HEATR5B: variants seen among roughly 807,000 people sequenced by gnomAD.
HEATR5B encodes the protein HEAT repeat-containing protein 5B.
HEATR5B carries 156 observed loss-of-function variants against 224.1 expected under a neutral mutation model. The ratio of observed to expected loss-of-function variants is 0.70; its 90% confidence interval spans 0.61 to 0.80. HEATR5B has a LOEUF of 0.80. HEATR5B is among the 30% of genes least tolerant of loss of function. The pLI, the probability that HEATR5B is intolerant of heterozygous loss-of-function variation, is 0.00. For synonymous variants in HEATR5B, 1,027 were observed against 893.0 expected, an observed-to-expected ratio of 1.15 and a Z score of -2.68; for missense variants, 2,323 against 2,535.5, an observed-to-expected ratio of 0.92 and a Z score of 1.80.
Position 37,037,145 on chromosome 2 carries a change from G to GAGATAGATATATATATATATATATATAT in HEATR5B, c.3216+709_3216+710insATATATATATATATATATATATCTATCT. 4.2e-3 allele frequency among the ~76,000 whole-genome samples: 376 copies of GAGATAGATATATATATATATATATATAT among 89,168 alleles called. 28 individuals carry two copies. The highest frequency in any genetic ancestry group is 0.014 in the African/African-American group (362 of 26,404). The allele number at this position is 89,168 out of a possible 152,430, so 58.5% of individuals were successfully genotyped here. A position where few individuals can be genotyped will look rare whatever the true frequency, so the allele number is the denominator to read the frequency against. On this transcript the variant is annotated intron_variant, in intron 21 of 35. Transcript: ENST00000233099. The stretch of plus-strand genomic sequence containing the variant: ...TTCCGAGTAGGAAAACTAAAAATGT[G>GAGATAGATATATATATATATATATATAT]ATATATATATATATTTTGGAGATGG...
chr2:37,063,956 C>A (rs1289244550), intron 10 of HEATR5B, among the ~76,000 whole-genome samples: 1 of 152,104 alleles, frequency 6.6e-6, no homozygotes, highest in Non-Finnish European at 1.5e-5. Flanking sequence ...GGATTACAGG[C>A]ATGGGCCACA....
chr2:37,032,795 G>A (rs755318443), intron 21 of HEATR5B, 22 bp from the exon 22 acceptor site: 20 of 1,603,682 alleles, frequency 1.2e-5, no homozygotes, highest in Non-Finnish European at 1.7e-5. Flanking sequence ...AACAATGTTA[G>A]GCGATTTCTC....
intron 26 of HEATR5B, among the ~76,000 whole-genome samples, chr2:37,016,113 C>CTTT (rs370375953): frequency 4.5e-5 from 6 of 132,024 alleles, no homozygotes; most frequent in South Asian, 2.4e-4. Flanking sequence ...TCCTTACTTT[C>CTTT]TTTTTTTTTT....
At chr2:37,075,317 C>A (rs1672158457) in intron 5 of HEATR5B, among the ~76,000 whole-genome samples, 168 bp downstream of exon 5, 1 of 152,078 alleles carries the variant, frequency 6.6e-6, no homozygotes, top group Non-Finnish European at 1.5e-5. Context: ...AATACACATA[C>A]ACAAAAGTAC....
At position 37,003,544 on chromosome 2, in the gene HEATR5B, A is replaced by G; in HGVS notation, c.5048T>C (p.Leu1683Pro). ...TTAGTGTAATTTCTAGTGCTTACTT[A>G]GAGTGTTTCTTTTCTCTTGCAAATA... Reference protein sequence around the residue: ...QDYLQEKRNTLNEDDMEKEAC... With the variant: ...QDYLQEKRNTPNEDDMEKEAC... Residue 1683 changes from leucine to proline, a missense_variant and splice_region_variant, in exon 31 of 36, where the codon CTA becomes CCA. Around this residue, in one of 12 missense-constraint regions of HEATR5B, gnomAD observed 844 missense variants for 812.9 expected, o/e 1.04. Transcript: ENST00000233099. 6.3e-7 allele frequency: 1 copy of G among 1,597,890 alleles called. No individual in the cohort carries two copies. The highest frequency in any genetic ancestry group is 1.1e-5 in the South Asian group (1 of 88,298).
rs1415135441 is a variant in HEATR5B at position 37,000,735 on chromosome 2, T to A, written c.5396A>T (p.Asn1799Ile). Residue 1799 changes from asparagine to isoleucine, a missense_variant, in exon 33 of 36, where the codon AAT becomes ATT. Asn to Ile is a moderately radical substitution (Grantham distance 149). Coordinates refer to ENST00000233099, the MANE Select transcript of HEATR5B (RefSeq NM_019024.3). Reference protein sequence around the residue: ...LKDTAIKSADNQVPPPVSAAL... With the variant: ...LKDTAIKSADIQVPPPVSAAL... ...TGCACTGACTGGTGGAGGAACCTGATTATCTGCAGACTTTATTGCTGTGTC... is the reference window on the plus strand; with the variant it reads ...TGCACTGACTGGTGGAGGAACCTGAATATCTGCAGACTTTATTGCTGTGTC... 1.2e-6 allele frequency: 2 copies of A among 1,614,050 alleles called. No homozygotes were observed. Among genetic ancestry groups the A allele is most frequent in the Non-Finnish European group, 1.7e-6 (2 of 1,179,996 alleles).
intron 6 of HEATR5B, among the ~76,000 whole-genome samples, chr2:37,071,216 T>C (rs1265781895): frequency 6.6e-6 from 1 of 151,920 alleles, no homozygotes; most frequent in African/African-American, 2.4e-5. Context: ...AGAAGTGAAA[T>C]AGGGTTTCAC....
chr2:37,006,822 T>C (rs1012735588), intron 29 of HEATR5B, among the ~76,000 whole-genome samples: 3 of 152,254 alleles, frequency 2.0e-5, no homozygotes, highest in African/African-American at 7.2e-5. Context: ...AATTGTTCGA[T>C]ATTGCTGTGT....
chr2:37,002,383 A>G lies in HEATR5B; in HGVS notation c.5240T>C (p.Leu1747Pro), dbSNP rs763976267. The G allele has an allele frequency of 3.1e-6, 5 of 1,614,234 alleles. No individual in the cohort carries two copies. Among genetic ancestry groups the G allele is most frequent in the Non-Finnish European group, 3.4e-6 (4 of 1,180,034 alleles). Reference sequence around the variant, plus strand: ...CACCAAACGAGCACTTTCTTCTGATAGTCGAGTTTTAGTGGCTATGTGACT... The same window carrying G: ...CACCAAACGAGCACTTTCTTCTGATGGTCGAGTTTTAGTGGCTATGTGACT... ...SPSHIATKTR[L>P]SEESARLVAA... The change falls in exon 32 of 36, where the codon CTA (leucine) becomes CCA (proline). Residue 1747 changes from leucine to proline, a missense_variant. By Grantham distance (98) the Leu-to-Pro change is moderately conservative. Transcript: ENST00000233099.
rs1026058024 is a variant in HEATR5B at position 36,980,922 on chromosome 2, T to C, written c.*568A>G. The C allele has an allele frequency of 6.6e-6, 1 of 152,160 alleles. No homozygotes were observed. Among genetic ancestry groups the C allele is most frequent in the Admixed American group, 6.6e-5 (1 of 15,264 alleles). The allele number at this position is 152,160 out of a possible 1,614,324, so 9.4% of individuals were successfully genotyped here. Reference sequence around the variant, plus strand: ...AACCTTTAAATGAGAATTTTAATTGTTACCAACTAAAATATACATAGCATA... The same window carrying C: ...AACCTTTAAATGAGAATTTTAATTGCTACCAACTAAAATATACATAGCATA... On this transcript the variant is annotated 3_prime_UTR_variant, in exon 36 of 36. Coordinates refer to ENST00000233099, the MANE Select transcript of HEATR5B (RefSeq NM_019024.3).
At chr2:37,023,754 G>T in intron 24 of HEATR5B, among the ~76,000 whole-genome samples, 1 of 152,046 alleles carries the variant, frequency 6.6e-6, no homozygotes, top group South Asian at 2.1e-4. Context: ...CTTACCTTGG[G>T]TGACAGAGCA....
chr2:37,060,235 T>A (rs1014310026), intron 12 of HEATR5B, among the ~76,000 whole-genome samples: 1 of 152,196 alleles, frequency 6.6e-6, no homozygotes, highest in Non-Finnish European at 1.5e-5. Context: ...AATCCTGAGT[T>A]TCTTTTTCTT....
At chr2:36,987,274 C>T (rs983899189) in intron 35 of HEATR5B, among the ~76,000 whole-genome samples, 2 of 151,990 alleles carry the variant, frequency 1.3e-5, no homozygotes, top group Non-Finnish European at 1.5e-5. Context: ...ACTCAAAATA[C>T]AAAACTAAGC....
intron 21 of HEATR5B, 28 bp downstream of exon 21, chr2:37,037,827 T>A: frequency 7.0e-7 from 1 of 1,423,274 alleles, no homozygotes. Flanking sequence ...AACTTAAAAA[T>A]CAATGAATGA....
chr2:37,084,198 C>T (rs1023294117), intron 1 of HEATR5B, 71 bp downstream of exon 1: 2 of 333,984 alleles, frequency 6.0e-6, no homozygotes, highest in African/African-American at 4.2e-5. Flanking sequence ...CAAATGTCTT[C>T]CCCACCCGTC....
chr2:37,069,575 G>GGA (rs1324640221), intron 7 of HEATR5B, among the ~76,000 whole-genome samples: 12 of 152,094 alleles, frequency 7.9e-5, no homozygotes, highest in African/African-American at 2.9e-4. Context: ...CAGGGTTGTT[G>GGA]GAGAATATTA....
chr2:37,076,440 A>T (rs1465491007), intron 4 of HEATR5B, among the ~76,000 whole-genome samples: 2 of 152,196 alleles, frequency 1.3e-5, no homozygotes, highest in African/African-American at 2.4e-5. Flanking sequence ...AGGGAAGATC[A>T]AAGATTTCCA....
chr2:37,005,547 A>G (rs1466587259), intron 30 of HEATR5B, 85 bp downstream of exon 30: 1 of 1,267,216 alleles, frequency 7.9e-7, no homozygotes, highest in Non-Finnish European at 1.1e-6. Context: ...GATCCAATAC[A>G]GAAAAAAAAT....
intron 19 of HEATR5B, 46 bp downstream of exon 19, chr2:37,041,087 A>G (rs781759788): frequency 6.5e-7 from 1 of 1,530,644 alleles, no homozygotes; most frequent in Non-Finnish European, 8.9e-7. Flanking sequence ...TAATTTTCCA[A>G]AAAATTTTCT....
Sources: gnomAD v4.1 joint callset for allele counts (sites outside exome capture counted in the v4.1 genomes callset) on GRCh38, gnomAD v4.1.1 for gene constraint, gnomAD v4.1.1 regional missense constraint, MANE v1.5 for transcripts, NCBI Gene and HGNC (gene_info 2026-07-23, HGNC 2026-07-21) for gene names.